RSL1D1: variants seen among roughly 807,000 people sequenced by gnomAD.
RSL1D1 encodes ribosomal L1 domain-containing protein 1.
RSL1D1 carries 34 observed loss-of-function variants against 44.6 expected under a neutral mutation model. The ratio of observed to expected loss-of-function variants is 0.76; its 90% confidence interval spans 0.58 to 1.02. RSL1D1 has a LOEUF of 1.02. RSL1D1 is among the 50% of genes least tolerant of loss of function. The pLI, the probability that RSL1D1 is intolerant of heterozygous loss-of-function variation, is 0.00. For missense variants in RSL1D1, 767 were observed against 568.1 expected (o/e 1.35, Z -3.56); for synonymous variants, 271 against 207.4 (o/e 1.31, Z -2.63).
chr16:11,846,468 T>G (rs560196653), intron 5 of RSL1D1, 33 bp downstream of exon 5: 1 of 1,052,054 alleles, frequency 9.5e-7, no homozygotes, highest in East Asian at 2.4e-5. Context: ...AATACAAGAT[T>G]AAAAGAGGCA....
Position 11,836,598 on chromosome 16 carries a change from G to A in RSL1D1, c.*1189C>T, listed in dbSNP as rs1047592840. 1.3e-5 allele frequency: 2 copies of A among 152,180 alleles called. No homozygotes were observed. Among genetic ancestry groups the A allele is most frequent in the African/African-American group, 2.4e-5 (1 of 41,444 alleles). The allele number at this position is 152,180 out of a possible 1,614,324, so 9.4% of individuals were successfully genotyped here. ...ACATAAGCAAATCCATATGGACTGA[G>A]GAATAAGGAGGAAGAGGATAAGGCT... On this transcript the variant is annotated 3_prime_UTR_variant, in exon 9 of 9. Coordinates refer to ENST00000571133, the MANE Select transcript of RSL1D1 (RefSeq NM_015659.3).
rs1002488843 is a variant in RSL1D1 at position 11,851,502 on chromosome 16, G to T, written c.11C>A (p.Ser4Ter). 1.9e-6 allele frequency: 3 copies of T among 1,613,678 alleles called. No individual in the cohort carries two copies. The highest frequency in any genetic ancestry group is 2.5e-6 in the Non-Finnish European group (3 of 1,179,930). The change falls in exon 1 of 9, where the codon TCG becomes TAG. Residue 4 changes from serine to a stop codon, truncating the protein, a stop_gained. Transcript: ENST00000571133. LOFTEE classifies it high-confidence loss of function. MED[S>*]ASASLSSAAA... is the part of the protein sequence containing the mutation. ...TGCAGAAGACAGCGAGGCCGAGGCC[G>T]AATCCTCCATCTTGTTTCCACCTCG...
At chr16:11,841,497 G>T in intron 7 of RSL1D1, 198 bp downstream of exon 7, 1 of 512,366 alleles carries the variant, frequency 2.0e-6, no homozygotes. Context: ...ATCTTAATGC[G>T]CATTACTAAC....
chr16:11,851,431 G>A lies in RSL1D1; in HGVS notation c.82C>T (p.Arg28Trp), dbSNP rs373118627. ...ACCTGTTCTTTATCCAGCTGCTTCC[G>A]TGCTGTCGGGGCCGCTGGAGTCGAG... is the stretch of plus-strand genomic sequence containing the variant. ...STSTPAAPTA[R>W]KQLDKEQVRK... Residue 28 changes from arginine to tryptophan, a missense_variant, in exon 1 of 9, where the codon CGG (arginine) becomes TGG (tryptophan). Transcript: ENST00000571133. 8.1e-6 allele frequency: 13 copies of A among 1,613,946 alleles called. No homozygotes were observed. The highest frequency in any genetic ancestry group is 4.0e-5 in the African/African-American group (3 of 74,926).
chr16:11,839,192 C>T (rs947253598), intron 8 of RSL1D1, among the ~76,000 whole-genome samples: 1 of 151,792 alleles, frequency 6.6e-6, no homozygotes, highest in Non-Finnish European at 1.5e-5. Flanking sequence ...ATGGCAAAAC[C>T]CCGTCTCTAC....
chr16:11,847,601 T>C (rs1422560838), intron 3 of RSL1D1, 67 bp downstream of exon 3: 4 of 1,312,812 alleles, frequency 3.0e-6, no homozygotes, highest in South Asian at 1.3e-5. Flanking sequence ...TAGCAATGTA[T>C]TTGTGATACC....
Position 11,837,691 on chromosome 16 carries a change from A to T in RSL1D1, c.*96T>A. The T allele has an allele frequency of 8.8e-7, 1 of 1,131,290 alleles. No individual in the cohort carries two copies. The highest frequency in any genetic ancestry group is 1.5e-5 in the South Asian group (1 of 66,082). The allele number at this position is 1,131,290 out of a possible 1,614,324, so 70.1% of individuals were successfully genotyped here. ...AAAAAATCTTTTAAGTCCAGGCCTG[A>T]CGTTTAGAGAAGGTTACAAAGGCGG... is the stretch of plus-strand genomic sequence containing the variant. On this transcript the variant is annotated 3_prime_UTR_variant, in exon 9 of 9. Coordinates refer to ENST00000571133, the MANE Select transcript of RSL1D1 (RefSeq NM_015659.3).
At position 11,847,744 on chromosome 16, in the gene RSL1D1, G is replaced by C; in HGVS notation, c.308C>G (p.Pro103Arg). The change falls in exon 3 of 9, where the codon CCC becomes CGC. Residue 103 changes from proline (P) to arginine (R), a missense_variant. By Grantham distance (103) the Pro-to-Arg change is moderately radical. Coordinates refer to ENST00000571133, the MANE Select transcript of RSL1D1 (RefSeq NM_015659.3). ...EDICLFTKDEPNSTPEKTEQF... is the reference protein window; with the variant it reads ...EDICLFTKDERNSTPEKTEQF... The stretch of plus-strand genomic sequence containing the variant: ...TTCTGTCTTTTCAGGAGTTGAATTG[G>C]GTTCATCCTTCGTAAATAAACAGAT... 3 of 1,612,636 alleles carry C rather than the reference G, an allele frequency of 1.9e-6. No homozygotes were observed. Among genetic ancestry groups the C allele is most frequent in the Non-Finnish European group, 2.5e-6 (3 of 1,178,816 alleles).
At chr16:11,840,057 A>G in intron 7 of RSL1D1, 72 bp from the exon 8 acceptor site, 1 of 1,554,242 alleles carries the variant, frequency 6.4e-7, no homozygotes, top group Non-Finnish European at 8.6e-7. Flanking sequence ...TAGATGTACC[A>G]CGTGCAGTTT....
intron 1 of RSL1D1, among the ~76,000 whole-genome samples, chr16:11,850,709 C>G (rs1462978006): frequency 6.6e-6 from 1 of 152,200 alleles, no homozygotes. Context: ...GGAAACGTGC[C>G]CCTCCTGCCC....
At chr16:11,843,982 A>T (rs1596440832) in intron 5 of RSL1D1, among the ~76,000 whole-genome samples, 1 of 152,176 alleles carries the variant, frequency 6.6e-6, no homozygotes, top group Admixed American at 6.5e-5. Flanking sequence ...TGCAGGCAGA[A>T]GCCCAGTGGG....
At chr16:11,842,400 A>C (rs2053769426) in intron 5 of RSL1D1, among the ~76,000 whole-genome samples, 1 of 152,148 alleles carries the variant, frequency 6.6e-6, no homozygotes, top group Non-Finnish European at 1.5e-5. Context: ...AATATATTTT[A>C]TTTCATTTTT....
intron 1 of RSL1D1, 96 bp downstream of exon 1, chr16:11,851,312 G>T: frequency 8.7e-7 from 1 of 1,153,214 alleles, no homozygotes; most frequent in South Asian, 1.2e-5. Context: ...CAGCCCCGGG[G>T]AAGTCCGCCG....
intron 7 of RSL1D1, among the ~76,000 whole-genome samples, chr16:11,841,164 C>CT (rs1365309739): frequency 6.6e-6 from 1 of 152,168 alleles, no homozygotes; most frequent in African/African-American, 2.4e-5. Context: ...AATCCCAGCA[C>CT]TTTGGGAGCC....
chr16:11,840,257 T>C (rs551901610), intron 7 of RSL1D1, among the ~76,000 whole-genome samples: 1 of 152,316 alleles, frequency 6.6e-6, no homozygotes, highest in African/African-American at 2.4e-5. Flanking sequence ...AAACACAGTA[T>C]GGTTTAGAGT....
In RSL1D1 at chr16:11,834,689, T is replaced by C. The variant is rs1005054555; in HGVS notation, c.*3098A>G. 2 of 152,184 alleles carry C rather than the reference T, an allele frequency of 1.3e-5. No individual in the cohort carries two copies. Among genetic ancestry groups the C allele is most frequent in the African/African-American group, 4.8e-5 (2 of 41,452 alleles). 9.4% of individuals were successfully genotyped at this position (152,184 alleles called of 1,614,324 possible). Reference sequence around the variant, plus strand: ...CTAGTTTCTATGGAAAACAATCAATTAAGCTAAACCCCCACATTTTAGATG... The same window carrying C: ...CTAGTTTCTATGGAAAACAATCAATCAAGCTAAACCCCCACATTTTAGATG... On this transcript the variant is annotated 3_prime_UTR_variant, in exon 9 of 9. Transcript: ENST00000571133.
rs969231885 is a variant in RSL1D1, at chr16:11,839,715, G to A, written c.1126C>T (p.Pro376Ser). Residue 376 changes from proline (P) to serine (S), a missense_variant, in exon 8 of 9, where the codon CCA becomes TCA. By Grantham distance (74) the Pro-to-Ser change is moderately conservative. Coordinates refer to ENST00000571133, the MANE Select transcript of RSL1D1 (RefSeq NM_015659.3). The part of the protein sequence containing the change: ...PQLVPIGKKT[P>S]ANEKVEIQKH... ...AATACCTCTACTTTTTCATTAGCTG[G>A]AGTCTTCTTTCCTATTGGTACCAGC... 5 of 1,613,408 alleles carry A rather than the reference G, an allele frequency of 3.1e-6. No homozygotes were observed. Among genetic ancestry groups the A allele is most frequent in the Non-Finnish European group, 4.2e-6 (5 of 1,179,880 alleles).
intron 5 of RSL1D1, among the ~76,000 whole-genome samples, chr16:11,842,271 C>CA (rs1251473367): frequency 6.6e-6 from 1 of 151,428 alleles, no homozygotes; most frequent in African/African-American, 2.4e-5. Flanking sequence ...AGGCTACATA[C>CA]AGTGAGCCCA....
In RSL1D1 at chr16:11,850,402, T is replaced by C; in HGVS notation, c.122A>G (p.Asp41Gly). The C allele has an allele frequency of 1.3e-6, 2 of 1,595,490 alleles. No homozygotes were observed. Among genetic ancestry groups the C allele is most frequent in the South Asian group, 2.3e-5 (2 of 86,606 alleles). The change falls in exon 2 of 9, where the codon GAC (aspartate) becomes GGC (glycine). Residue 41 changes from aspartate (D) to glycine (G), a missense_variant. By Grantham distance (94) the Asp-to-Gly change is moderately conservative. Transcript: ENST00000571133. Reference sequence around the variant, plus strand: ...GGACTTGCAATGCGTCAAGAGAGCGTCCACTGCCTTTCTAACCTGCAAAGT... The same window carrying C: ...GGACTTGCAATGCGTCAAGAGAGCGCCCACTGCCTTTCTAACCTGCAAAGT... ...LDKEQVRKAV[D>G]ALLTHCKSRK...
Sources: allele counts gnomAD v4.1 joint callset (sites outside exome capture counted in the v4.1 genomes callset), GRCh38; gene constraint gnomAD v4.1.1; transcripts MANE v1.5; gene names NCBI Gene and HGNC (gene_info 2026-07-23, HGNC 2026-07-21).